The following FOXP2 variants were observed in gnomAD, a reference collection of about 807,000 sequenced individuals.
The protein encoded by FOXP2 is forkhead box P2.
FOXP2 carries 12 observed loss-of-function variants against 115.8 expected under a neutral mutation model. The ratio of observed to expected loss-of-function variants is 0.10; its 90% CI spans 0.07 to 0.17. The LOEUF (loss-of-function observed/expected upper bound fraction) is 0.17, where lower values mean the gene tolerates loss of function less well. Among genes scored for constraint, FOXP2 ranks in the 10% least tolerant of loss-of-function variants. The probability of loss-of-function intolerance (pLI) is 1.00; values close to 1 mark genes in which losing one functional copy is unlikely to be tolerated. For synonymous variants in FOXP2, 328 were observed against 297.7 expected (o/e 1.10, Z -1.05); for missense variants, 629 against 843.5 (o/e 0.75, Z 3.15).
chr7:114,355,018 C>T (rs143097390), intron 2 of FOXP2, among the ~76,000 whole-genome samples: 1 of 152,238 alleles, frequency 6.6e-6, no homozygotes, highest in East Asian at 1.9e-4. Context: ...AATTATTTTA[C>T]AATATATGAC....
intron 2 of FOXP2, among the ~76,000 whole-genome samples, chr7:114,434,645 C>A (rs1794261669): frequency 6.6e-6 from 1 of 151,788 alleles, no homozygotes; most frequent in African/African-American, 2.4e-5. Flanking sequence ...TCTAATTCTC[C>A]TTTTCTTATA....
At chr7:114,462,579 C>T in intron 2 of FOXP2, among the ~76,000 whole-genome samples, 1 of 151,848 alleles carries the variant, frequency 6.6e-6, no homozygotes, top group East Asian at 2.0e-4. Flanking sequence ...GCCATGTTGG[C>T]CAGGATGGTC....
intron 1 of FOXP2, among the ~76,000 whole-genome samples, chr7:114,166,157 A>G (rs989946142): frequency 1.3e-5 from 2 of 152,232 alleles, no homozygotes; most frequent in Non-Finnish European, 2.9e-5. Context: ...TAAAACTTCT[A>G]GAAGATAACA....
At chr7:114,120,715 T>TGTGTGG (rs1791540170) in intron 1 of FOXP2, among the ~76,000 whole-genome samples, 1 of 151,892 alleles carries the variant, frequency 6.6e-6, no homozygotes, top group African/African-American at 2.4e-5. Flanking sequence ...TGTGTGTGTG[T>TGTGTGG]GTATATATAT....
chr7:114,096,616 T>C, intron 1 of FOXP2, among the ~76,000 whole-genome samples: 1 of 152,170 alleles, frequency 6.6e-6, no homozygotes, highest in East Asian at 1.9e-4. Context: ...CTCATTCCCA[T>C]TGGGCTGAAA....
chr7:114,666,024 A>G (rs1388391549), intron 16 of FOXP2: 1 of 152,032 alleles, frequency 6.6e-6, no homozygotes, highest in Admixed American at 6.6e-5. Context: ...TTTTATTATT[A>G]AAGTTTATGA....
intron 1 of FOXP2, among the ~76,000 whole-genome samples, chr7:114,220,269 A>G (rs1017778377): frequency 6.6e-6 from 1 of 152,096 alleles, no homozygotes; most frequent in Non-Finnish European, 1.5e-5. Context: ...AATAATGGGA[A>G]CAAAATTCAT....
At chr7:114,199,375 AT>A (rs1256499193) in intron 1 of FOXP2, among the ~76,000 whole-genome samples, 2 of 152,150 alleles carry the variant, frequency 1.3e-5, no homozygotes, top group African/African-American at 4.8e-5. Context: ...TGTTATGAAA[AT>A]AATATAAAAT....
At chr7:114,248,789 A>T (rs1266772203) in intron 1 of FOXP2, among the ~76,000 whole-genome samples, 1 of 152,182 alleles carries the variant, frequency 6.6e-6, no homozygotes, top group Non-Finnish European at 1.5e-5. Context: ...TTCTAAGAAC[A>T]TTATATGTTT....
chr7:114,594,456 C>T (rs187350919), intron 3 of FOXP2, among the ~76,000 whole-genome samples: 38 of 152,048 alleles, frequency 2.5e-4, no homozygotes, highest in Admixed American at 1.8e-3. Context: ...AATAGAGAGC[C>T]GACTGATTAT....
chr7:114,653,939 G>A lies in FOXP2; in HGVS notation c.1196G>A (p.Arg399His). 1.2e-6 allele frequency: 2 copies of A among 1,612,840 alleles called. No individual in the cohort carries two copies. The highest frequency in any genetic ancestry group is 1.7e-6 in the Non-Finnish European group (2 of 1,179,238). ...QQLEIQLSKERERLQAMMTHL... is the reference protein window; with the variant it reads ...QQLEIQLSKEHERLQAMMTHL... ...CTTTCTTAACAGCTTTCTAAAGAAC[G>A]CGAACGTCTTCAAGCAATGATGACC... is the stretch of plus-strand genomic sequence containing the variant. Residue 399 changes from arginine (R) to histidine (H), a missense_variant, in exon 10 of 17, where the codon CGC (arginine) becomes CAC (histidine). Physicochemically the swap from Arg to His is conservative, Grantham distance 29. Transcript: ENST00000350908.
intron 2 of FOXP2, among the ~76,000 whole-genome samples, chr7:114,335,195 T>C (rs910608637): frequency 2.6e-5 from 4 of 151,468 alleles, no homozygotes; most frequent in Non-Finnish European, 5.9e-5. Flanking sequence ...ACTGTTTCCA[T>C]TTCCACATCC....
intron 2 of FOXP2, among the ~76,000 whole-genome samples, chr7:114,529,005 G>C (rs1799010541): frequency 6.6e-6 from 1 of 151,708 alleles, no homozygotes; most frequent in Non-Finnish European, 1.5e-5. Flanking sequence ...TTTAAAGTTG[G>C]ACGGAATTCA....
intron 2 of FOXP2, among the ~76,000 whole-genome samples, chr7:114,514,701 A>T (rs1000216759): frequency 8.0e-5 from 12 of 150,766 alleles, no homozygotes; most frequent in East Asian, 2.0e-4. Context: ...TTATTTATTT[A>T]TTTTTTATAT....
chr7:114,489,811 T>C (rs1796950991), intron 2 of FOXP2, among the ~76,000 whole-genome samples: 1 of 152,048 alleles, frequency 6.6e-6, no homozygotes, highest in Non-Finnish European at 1.5e-5. Flanking sequence ...AGGTGGCAAG[T>C]AAGTATATGA....
chr7:114,129,982 CT>C (rs770851873), intron 1 of FOXP2, among the ~76,000 whole-genome samples: 17 of 152,120 alleles, frequency 1.1e-4, no homozygotes, highest in Non-Finnish European at 2.4e-4. Flanking sequence ...AACCTGAAAA[CT>C]TTTCTTGATG....
intron 2 of FOXP2, among the ~76,000 whole-genome samples, chr7:114,498,396 A>G (rs886555454): frequency 6.6e-6 from 1 of 152,216 alleles, no homozygotes; most frequent in African/African-American, 2.4e-5. Context: ...ATTGCAAAGG[A>G]AAATGCAGTC....
intron 2 of FOXP2, among the ~76,000 whole-genome samples, chr7:114,450,215 T>C (rs967460351): frequency 5.9e-5 from 9 of 152,108 alleles, no homozygotes; most frequent in Admixed American, 6.6e-5. Context: ...ATGTCCTTCC[T>C]CTATGCATAC....
At chr7:114,410,895 T>C (rs1290068807), upstream of FOXP2, among the ~76,000 whole-genome samples, 1 of 152,010 alleles carries the variant, frequency 6.6e-6, no homozygotes, top group Non-Finnish European at 1.5e-5. Flanking sequence ...AGAAAAGACT[T>C]GTCACTTTCA....
Sources: allele counts gnomAD v4.1 joint callset (sites outside exome capture counted in the v4.1 genomes callset), GRCh38; gene constraint gnomAD v4.1.1; transcripts MANE v1.5; gene names NCBI Gene and HGNC (gene_info 2026-07-23, HGNC 2026-07-21).